ADAMTSL1: variants seen among roughly 807,000 people sequenced by gnomAD.
ADAMTSL1 encodes the protein ADAMTS-like protein 1.
Under a neutral mutation model 201.8 loss-of-function variants are expected in ADAMTSL1, and 126 were observed. The ratio of observed to expected loss-of-function variants is 0.62; its 90% confidence interval spans 0.54 to 0.72. ADAMTSL1 has a LOEUF of 0.72. ADAMTSL1 is among the 30% of genes least tolerant of loss of function. The pLI, the probability that ADAMTSL1 is intolerant of heterozygous loss-of-function variation, is 0.00. For missense variants in ADAMTSL1, 2,679 were observed against 2,277.8 expected (o/e 1.18, Z -3.59); for synonymous variants, 1,121 against 903.4 (o/e 1.24, Z -4.32).
intron 2 of ADAMTSL1, among the ~76,000 whole-genome samples, chr9:18,404,346 G>A (rs996477242): frequency 6.6e-6 from 1 of 152,080 alleles, no homozygotes; most frequent in East Asian, 1.9e-4. Flanking sequence ...CATGGCAGTT[G>A]GTCATCATGA....
intron 1 of ADAMTSL1, among the ~76,000 whole-genome samples, chr9:17,972,957 G>A (rs1021142364): frequency 1.3e-5 from 2 of 150,052 alleles, no homozygotes; most frequent in African/African-American, 4.9e-5. Flanking sequence ...CTGCATAAAT[G>A]TCTTCTTTTG....
At chr9:18,312,186 T>G (rs1012019836) in intron 2 of ADAMTSL1, among the ~76,000 whole-genome samples, 1 of 152,176 alleles carries the variant, frequency 6.6e-6, no homozygotes, top group Non-Finnish European at 1.5e-5. Context: ...AGCTTAGGAA[T>G]TTGAGCTTTA....
At chr9:18,512,886 C>A (rs945976521) in intron 2 of ADAMTSL1, among the ~76,000 whole-genome samples, 35 of 152,112 alleles carry the variant, frequency 2.3e-4, no homozygotes, top group Admixed American at 3.3e-4. Context: ...ACAGTATATG[C>A]AGTATTGTCA....
At chr9:18,148,440 A>G (rs1013720643) in intron 1 of ADAMTSL1, among the ~76,000 whole-genome samples, 3 of 152,024 alleles carry the variant, frequency 2.0e-5, no homozygotes, top group Admixed American at 6.6e-5. Context: ...TACTAAAGTC[A>G]AGTCAAATGG....
intron 1 of ADAMTSL1, among the ~76,000 whole-genome samples, chr9:18,105,695 C>T (rs1824726699): frequency 6.6e-6 from 1 of 152,164 alleles, no homozygotes; most frequent in Non-Finnish European, 1.5e-5. Context: ...GGGGCTGTTT[C>T]CATGGCGAAG....
At chr9:17,989,582 A>T (rs1042466531) in intron 1 of ADAMTSL1, among the ~76,000 whole-genome samples, 1 of 152,064 alleles carries the variant, frequency 6.6e-6, no homozygotes, top group African/African-American at 2.4e-5. Flanking sequence ...TGCACACTTT[A>T]AAGCCTTTTT....
At chr9:18,347,531 G>C (rs991422934) in intron 2 of ADAMTSL1, among the ~76,000 whole-genome samples, 1 of 152,070 alleles carries the variant, frequency 6.6e-6, no homozygotes, top group African/African-American at 2.4e-5. Flanking sequence ...CTCTGGGAGG[G>C]ATCTATGTGA....
intron 1 of ADAMTSL1, among the ~76,000 whole-genome samples, chr9:18,130,788 C>T (rs2131963605): frequency 6.6e-6 from 1 of 152,158 alleles, no homozygotes; most frequent in South Asian, 2.1e-4. Context: ...CTTAGGATGC[C>T]GTGAACAATC....
rs546687673 is a variant in ADAMTSL1 at position 18,319,237 on chromosome 9, G to T, written c.207+155256G>T. Among the ~76,000 whole-genome samples, 3 of 152,254 alleles carry T rather than the reference G, an allele frequency of 2.0e-5. No homozygotes were observed. In the South Asian group the frequency reaches 6.3e-4, roughly 32 times the overall value. On this transcript the variant is annotated intron_variant, in intron 2 of 29. Coordinates refer to the ADAMTSL1 transcript ENST00000680146. ...AAGAAAAAGCCAGCTGAAGATCAGA[G>T]AATGTAAGCAGCATGCCTTTAATAA...
intron 2 of ADAMTSL1, among the ~76,000 whole-genome samples, chr9:18,523,827 C>G (rs1360010627): frequency 2.2e-5 from 3 of 138,526 alleles, no homozygotes; most frequent in Admixed American, 7.8e-5. Context: ...CAGTACCATG[C>G]TGTTTTGGTT....
intron 2 of ADAMTSL1, among the ~76,000 whole-genome samples, chr9:18,320,315 G>T (rs1389609074): frequency 2.0e-5 from 3 of 152,144 alleles, no homozygotes; most frequent in East Asian, 1.9e-4. Context: ...GTGGTAATTT[G>T]TTATGGCAGC....
intron 23 of ADAMTSL1, among the ~76,000 whole-genome samples, chr9:18,863,022 T>C (rs1827304937): frequency 6.6e-6 from 1 of 152,216 alleles, no homozygotes; most frequent in Non-Finnish European, 1.5e-5. Context: ...ATTGGACTAA[T>C]TTCCTAGAGC....
intron 13 of ADAMTSL1, among the ~76,000 whole-genome samples, chr9:18,685,158 C>T (rs1830751920): frequency 6.6e-6 from 1 of 152,210 alleles, no homozygotes; most frequent in African/African-American, 2.4e-5. Flanking sequence ...TTTTCACACT[C>T]TCCCAGTTTT....
intron 2 of ADAMTSL1, among the ~76,000 whole-genome samples, chr9:18,423,142 G>A (rs1250219099): frequency 6.6e-6 from 1 of 152,136 alleles, no homozygotes; most frequent in African/African-American, 2.4e-5. Context: ...GGCCCCAAGG[G>A]ATTACTTGTG....
intron 2 of ADAMTSL1, among the ~76,000 whole-genome samples, chr9:18,272,348 A>C (rs564981216): frequency 2.0e-5 from 3 of 152,330 alleles, no homozygotes; most frequent in East Asian, 1.9e-4. Flanking sequence ...CAAAAACAAG[A>C]AATGGGGAAA....
At chr9:18,461,587 T>C (rs1300895239) in intron 2 of ADAMTSL1, among the ~76,000 whole-genome samples, 1 of 152,168 alleles carries the variant, frequency 6.6e-6, no homozygotes, top group African/African-American at 2.4e-5. Context: ...ACCTAACCTC[T>C]TGTATTATTC....
At chr9:17,983,064 C>T (rs79498926) in intron 1 of ADAMTSL1, among the ~76,000 whole-genome samples, 41 of 88,546 alleles carry the variant, frequency 4.6e-4, no homozygotes, top group South Asian at 1.1e-3. Flanking sequence ...TCTTTTCTTT[C>T]TTTCTTTCTT....
chr9:18,608,521 C>T (rs919576012), intron 4 of ADAMTSL1, among the ~76,000 whole-genome samples: 14 of 152,138 alleles, frequency 9.2e-5, no homozygotes, highest in Admixed American at 5.9e-4. Flanking sequence ...TTCATCTCAG[C>T]GCCTTTGAGT....
chr9:18,497,530 A>C (rs752205871), intron 1 of ADAMTSL1, among the ~76,000 whole-genome samples: 1 of 152,140 alleles, frequency 6.6e-6, no homozygotes, highest in Non-Finnish European at 1.5e-5. Flanking sequence ...AATCTCTATC[A>C]AAAAAATGCA....
Sources: gnomAD v4.1 joint callset for allele counts (sites outside exome capture counted in the v4.1 genomes callset) on GRCh38, gnomAD v4.1.1 for gene constraint, MANE v1.5 for transcripts, NCBI Gene and HGNC (gene_info 2026-07-23, HGNC 2026-07-21) for gene names.